The following NPEPPS variants were observed in gnomAD, a reference collection of about 807,000 sequenced individuals.
NPEPPS encodes the protein aminopeptidase puromycin sensitive, also known as puromycin-sensitive aminopeptidase.
In NPEPPS, 14 loss-of-function variants were observed where a neutral mutation model predicts 115.5. The observed-to-expected ratio is 0.12, with a 90% CI of 0.08 to 0.19. NPEPPS has a LOEUF of 0.19. Among genes scored for constraint, NPEPPS ranks in the 10% least tolerant of loss-of-function variants. The pLI is 1.00. For missense variants in NPEPPS, 523 were observed against 1,110.8 expected (o/e 0.47, Z 7.52); for synonymous variants, 285 against 390.6 (o/e 0.73, Z 3.19).
At chr17:47,621,734 TA>T (rs1567876406) in intron 22 of NPEPPS, 33 bp from the exon 23 acceptor site, 2 of 1,576,030 alleles carry the variant, frequency 1.3e-6, no homozygotes, top group African/African-American at 1.3e-5. Flanking sequence ...TTATTGCTAG[TA>T]ATGATCCTGC....
intron 5 of NPEPPS, among the ~76,000 whole-genome samples, chr17:47,583,619 A>AT (rs1181254069): frequency 2.6e-5 from 4 of 151,746 alleles, no homozygotes; most frequent in African/African-American, 9.7e-5. Flanking sequence ...TTGACTTATT[A>AT]AATGTCATAA....
intron 12 of NPEPPS, chr17:47,595,981 CAAAAAAAAAAAAAA>C (rs34457526): frequency 2.6e-5 from 1 of 38,596 alleles, no homozygotes; most frequent in African/African-American, 9.9e-5. Flanking sequence ...GACTCCATCT[CAAAAAAAAAAAAAA>C]AAAAAAAAAA....
chr17:47,588,624 T>C (rs182208215), intron 9 of NPEPPS, among the ~76,000 whole-genome samples: 1 of 152,286 alleles, frequency 6.6e-6, no homozygotes, highest in East Asian at 1.9e-4. Context: ...TGTATTCAAA[T>C]ATGTGAAGAA....
chr17:47,610,446 C>T (rs1232730352), intron 17 of NPEPPS, among the ~76,000 whole-genome samples: 5 of 150,758 alleles, frequency 3.3e-5, no homozygotes, highest in Admixed American at 6.6e-5. Flanking sequence ...TGCAGTGGTG[C>T]GATCTCGGCT....
chr17:47,606,744 A>ATGTCTTTTCTTCATTGATTC (rs150125921), intron 17 of NPEPPS, among the ~76,000 whole-genome samples: 1 of 152,038 alleles, frequency 6.6e-6, no homozygotes. Flanking sequence ...AGCTGGTCCC[A>ATGTCTTTTCTTCATTGATTC]AACAAATATT....
At chr17:47,554,121 A>G (rs1027725219) in intron 2 of NPEPPS, among the ~76,000 whole-genome samples, 1 of 150,228 alleles carries the variant, frequency 6.7e-6, no homozygotes, top group African/African-American at 2.5e-5. Flanking sequence ...GCTCACTGCA[A>G]CCGCTGCCTC....
intron 3 of NPEPPS, among the ~76,000 whole-genome samples, chr17:47,576,002 G>A (rs112967259): frequency 2.6e-5 from 4 of 152,006 alleles, no homozygotes; most frequent in Non-Finnish European, 4.4e-5. Flanking sequence ...TTTTCAAGAC[G>A]GATTGCACAA....
chr17:47,565,028 C>T (rs1910711158), intron 2 of NPEPPS, among the ~76,000 whole-genome samples: 1 of 152,182 alleles, frequency 6.6e-6, no homozygotes, highest in African/African-American at 2.4e-5. Context: ...TTACTGAACA[C>T]ACACTATGTG....
intron 4 of NPEPPS, chr17:47,579,778 T>C (rs1327074863): frequency 1.8e-5 from 4 of 217,244 alleles, no homozygotes; most frequent in Admixed American, 1.6e-4. Context: ...GCCTATATAC[T>C]GTGTACCTTT....
chr17:47,574,531 G>A (rs1043335464), intron 3 of NPEPPS, among the ~76,000 whole-genome samples: 6 of 152,146 alleles, frequency 3.9e-5, no homozygotes, highest in African/African-American at 1.4e-4. Context: ...GACATAATCT[G>A]TGCCAAGTAC....
Position 47,588,682 on chromosome 17 carries a change from A to AT in NPEPPS, c.1095+1345dup, listed in dbSNP as rs1912334085. Among the ~76,000 whole-genome samples, 4 of 152,232 alleles carry AT rather than the reference A, an allele frequency of 2.6e-5. No individual in the cohort carries two copies. The South Asian group carries it at 8.3e-4, about 32-fold the overall frequency. On this transcript the variant is annotated intron_variant, in intron 9 of 22. Transcript: ENST00000322157. ...CAAGTTTGCTACTTTGTACCAAATA[A>AT]TTTTTTTGCTTGGTTTTGAGATAAC...
Position 47,614,183 on chromosome 17 carries a change from G to T in NPEPPS, c.2295+458G>T, listed in dbSNP as rs1012649548. On this transcript the variant is annotated intron_variant, in intron 19 of 22. Coordinates refer to ENST00000322157, the MANE Select transcript of NPEPPS (RefSeq NM_006310.4). ...GAGAAGGTTTCACCATGCCCAGGCT[G>T]GTCTCAAATTCCTGGGGTCAAGTGA... Among the ~76,000 whole-genome samples the T allele has an allele frequency of 2.0e-4, 31 of 152,146 alleles. 1 individual carries two copies. Among genetic ancestry groups the T allele is most frequent in the Middle Eastern group, 3.4e-3 (1 of 294 alleles).
intron 1 of NPEPPS, among the ~76,000 whole-genome samples, chr17:47,533,551 A>G (rs1415395168): frequency 6.6e-6 from 1 of 152,192 alleles, no homozygotes. Flanking sequence ...GCCAAAATGG[A>G]TTCATAATTT....
chr17:47,592,748 T>A (rs535500828), intron 12 of NPEPPS: 1 of 490,770 alleles, frequency 2.0e-6, no homozygotes, highest in Non-Finnish European at 3.7e-6. Flanking sequence ...AAACTTTTTC[T>A]TTCCTTTCTT....
intron 1 of NPEPPS, among the ~76,000 whole-genome samples, chr17:47,532,315 T>G (rs1047948323): frequency 3.9e-5 from 6 of 152,140 alleles, no homozygotes; most frequent in Admixed American, 3.9e-4. Context: ...CCTTCGAAGC[T>G]GGTGGATTTA....
chr17:47,552,343 T>A (rs1424198640), intron 2 of NPEPPS, among the ~76,000 whole-genome samples: 1 of 152,176 alleles, frequency 6.6e-6, no homozygotes, highest in East Asian at 1.9e-4. Context: ...TAAACAACCC[T>A]TAAGTATCAT....
chr17:47,525,789 G>A (rs979689905), intron 1 of NPEPPS, among the ~76,000 whole-genome samples: 4 of 152,142 alleles, frequency 2.6e-5, no homozygotes, highest in African/African-American at 9.7e-5. Context: ...TGGTTAATTG[G>A]TTAGTCAGCT....
intron 2 of NPEPPS, among the ~76,000 whole-genome samples, chr17:47,554,645 C>T (rs1300208629): frequency 2.0e-5 from 3 of 152,180 alleles, no homozygotes; most frequent in Non-Finnish European, 4.4e-5. Flanking sequence ...CAGGCATGAG[C>T]CACTGTGCCC....
intron 20 of NPEPPS, 103 bp downstream of exon 20, chr17:47,618,560 A>G: frequency 1.4e-6 from 1 of 736,224 alleles, no homozygotes; most frequent in Non-Finnish European, 2.3e-6. Context: ...AACCCTAACT[A>G]AAGCTTCCTT....
Sources: allele counts gnomAD v4.1 joint callset (sites outside exome capture counted in the v4.1 genomes callset), GRCh38; gene constraint gnomAD v4.1.1; transcripts MANE v1.5; gene names NCBI Gene and HGNC (gene_info 2026-07-23, HGNC 2026-07-21).